MYO3A: variants seen among roughly 807,000 people sequenced by gnomAD.
MYO3A encodes myosin IIIA, also known as myosin-IIIa.
Under a neutral mutation model 192.7 loss-of-function variants are expected in MYO3A, and 180 were observed. The ratio of observed to expected loss-of-function variants is 0.93; its 90% confidence interval spans 0.83 to 1.06. The LOEUF (loss-of-function observed/expected upper bound fraction) is 1.06, where lower values mean the gene tolerates loss of function less well. Ranked by LOEUF, MYO3A falls within the 50% of genes least tolerant of loss-of-function variation. The pLI is 0.00. For missense variants in MYO3A, 1,896 were observed against 1,905.0 expected (o/e 1.00, Z 0.09); for synonymous variants, 628 against 645.3 (o/e 0.97, Z 0.41).
chr10:25,955,933 C>A (rs1297701118), intron 4 of MYO3A, among the ~76,000 whole-genome samples: 1 of 152,076 alleles, frequency 6.6e-6, no homozygotes, highest in African/African-American at 2.4e-5. Flanking sequence ...GTAATTCATA[C>A]AGAATAGAAA....
At chr10:25,998,270 C>G (rs747711540) in intron 6 of MYO3A, among the ~76,000 whole-genome samples, 19 of 152,140 alleles carry the variant, frequency 1.2e-4, no homozygotes, top group Non-Finnish European at 2.6e-4. Context: ...AACTAAAGCT[C>G]AGCAAGTTAA....
intron 25 of MYO3A, among the ~76,000 whole-genome samples, chr10:26,155,959 C>T (rs567957536): frequency 1.5e-4 from 23 of 152,120 alleles, no homozygotes; most frequent in African/African-American, 4.1e-4. Flanking sequence ...GAAGATAATC[C>T]CACCTAACAT....
intron 17 of MYO3A, among the ~76,000 whole-genome samples, chr10:26,112,380 G>T (rs769603692): frequency 3.9e-5 from 6 of 152,122 alleles, no homozygotes; most frequent in African/African-American, 1.4e-4. Flanking sequence ...GAAATAAACC[G>T]CATGAGCATT....
chr10:26,199,247 T>A (rs554454477), intron 32 of MYO3A, among the ~76,000 whole-genome samples: 2 of 152,334 alleles, frequency 1.3e-5, no homozygotes, highest in South Asian at 4.1e-4. Context: ...CTGAATTACA[T>A]TTCATGAGAA....
At chr10:25,954,027 A>G (rs1322049795) in intron 3 of MYO3A, among the ~76,000 whole-genome samples, 1 of 152,148 alleles carries the variant, frequency 6.6e-6, no homozygotes, top group Non-Finnish European at 1.5e-5. Flanking sequence ...GAGGAGTTGA[A>G]TGAGTAAGAT....
At chr10:26,123,693 A>G (rs757975689) in intron 18 of MYO3A, among the ~76,000 whole-genome samples, 2 of 152,118 alleles carry the variant, frequency 1.3e-5, no homozygotes, top group Admixed American at 6.6e-5. Flanking sequence ...TTGGGAGGCC[A>G]AGACGGGCAG....
At chr10:26,050,592 G>A (rs1317348009) in intron 10 of MYO3A, among the ~76,000 whole-genome samples, 1 of 152,164 alleles carries the variant, frequency 6.6e-6, no homozygotes, top group Non-Finnish European at 1.5e-5. Context: ...AAAGATGTCA[G>A]GAATTCTGCA....
intron 17 of MYO3A, among the ~76,000 whole-genome samples, chr10:26,106,799 A>C (rs1219141013): frequency 6.6e-6 from 1 of 152,092 alleles, no homozygotes; most frequent in Non-Finnish European, 1.5e-5. Context: ...TAATATTTAA[A>C]TATCCTTACA....
intron 32 of MYO3A, among the ~76,000 whole-genome samples, chr10:26,197,934 A>C (rs1843493302): frequency 6.6e-6 from 1 of 152,166 alleles, no homozygotes. Flanking sequence ...TCTAAACTAG[A>C]AGCTCTATGG....
At chr10:26,017,480 A>G (rs909712376) in intron 7 of MYO3A, among the ~76,000 whole-genome samples, 3 of 152,146 alleles carry the variant, frequency 2.0e-5, no homozygotes, top group Non-Finnish European at 4.4e-5. Context: ...ATCACTTATG[A>G]AGGACCCTTA....
In MYO3A at chr10:26,127,735, A is replaced by T. The variant is rs145798591; in HGVS notation, c.2115-656A>T. Among the ~76,000 whole-genome samples the T allele has an allele frequency of 1.0e-4, 15 of 148,420 alleles. 1 individual carries two copies. The East Asian group carries it at 2.9e-3, about 29-fold the overall frequency. ...CAATGTATATATTTCTTTGGGGAGG[A>T]GTAAACCTTTTGACCAATAGTAAAA... On this transcript the variant is annotated intron_variant, in intron 19 of 34. Transcript: ENST00000642920.
chr10:25,985,210 C>T (rs565120765), intron 4 of MYO3A, among the ~76,000 whole-genome samples: 1 of 133,654 alleles, frequency 7.5e-6, no homozygotes, highest in Non-Finnish European at 1.5e-5. Context: ...TGCACTCCAG[C>T]GTGGGTGACA....
At chr10:26,165,511 C>T (rs1477513514) in intron 26 of MYO3A, among the ~76,000 whole-genome samples, 1 of 152,178 alleles carries the variant, frequency 6.6e-6, no homozygotes, top group Non-Finnish European at 1.5e-5. Flanking sequence ...CTTCCTCTTT[C>T]CTTCCCTCGA....
intron 23 of MYO3A, among the ~76,000 whole-genome samples, chr10:26,149,566 A>G (rs1840676220): frequency 6.6e-6 from 1 of 152,088 alleles, no homozygotes. Flanking sequence ...GCATGCATAT[A>G]GTATTTTGTT....
At chr10:26,145,134 G>A (rs963376482) in intron 21 of MYO3A, among the ~76,000 whole-genome samples, 12 of 146,894 alleles carry the variant, frequency 8.2e-5, no homozygotes, top group African/African-American at 2.3e-4. Flanking sequence ...AGCCAAGATC[G>A]CACCATTGCA....
intron 17 of MYO3A, among the ~76,000 whole-genome samples, chr10:26,104,895 A>C (rs915554237): frequency 6.7e-5 from 10 of 150,272 alleles, no homozygotes; most frequent in East Asian, 3.9e-4. Flanking sequence ...ACACACACAC[A>C]CCCATGCAGA....
chr10:26,014,890 A>G (rs962110489), intron 6 of MYO3A, among the ~76,000 whole-genome samples: 2 of 152,070 alleles, frequency 1.3e-5, no homozygotes, highest in Non-Finnish European at 2.9e-5. Flanking sequence ...TGTCTGGTCT[A>G]TTTGAGCCAC....
At chr10:26,058,800 T>G (rs951574356) in intron 10 of MYO3A, among the ~76,000 whole-genome samples, 2 of 152,246 alleles carry the variant, frequency 1.3e-5, no homozygotes, top group Non-Finnish European at 2.9e-5. Context: ...TGAAAAGACC[T>G]GACATCTTGA....
At chr10:26,199,876 G>C (rs1345998489) in intron 32 of MYO3A, among the ~76,000 whole-genome samples, 1 of 152,156 alleles carries the variant, frequency 6.6e-6, no homozygotes, top group Non-Finnish European at 1.5e-5. Context: ...TCAGGTAATG[G>C]ATGAGGGAGG....
Sources: gnomAD v4.1 joint callset for allele counts (sites outside exome capture counted in the v4.1 genomes callset) on GRCh38, gnomAD v4.1.1 for gene constraint, MANE v1.5 for transcripts, NCBI Gene and HGNC (gene_info 2026-07-23, HGNC 2026-07-21) for gene names.